Variants in MED12L observed in about 807,000 individuals in gnomAD.
MED12L encodes the protein mediator of RNA polymerase II transcription subunit 12-like protein.
A neutral mutation model predicts 281.3 loss-of-function variants in MED12L; 60 were observed. The ratio of observed to expected loss-of-function variants is 0.21; its 90% confidence interval spans 0.17 to 0.26. MED12L has a LOEUF of 0.26. Among genes scored for constraint, MED12L ranks in the 10% least tolerant of loss-of-function variants. The pLI is 1.00. For missense variants in MED12L, 2,146 were observed against 2,680.9 expected (o/e 0.80, Z 4.41); for synonymous variants, 974 against 987.2 (o/e 0.99, Z 0.25).
intron 16 of MED12L, among the ~76,000 whole-genome samples, chr3:151,235,265 T>C (rs929155263): frequency 1.3e-5 from 2 of 152,186 alleles, no homozygotes; most frequent in African/African-American, 2.4e-5. Flanking sequence ...GTGAAAGATT[T>C]CTGGACCTTT....
chr3:151,282,017 C>G (rs1577224283), intron 16 of MED12L, among the ~76,000 whole-genome samples: 1 of 152,164 alleles, frequency 6.6e-6, no homozygotes, highest in Non-Finnish European at 1.5e-5. Context: ...CGGAATTCAC[C>G]TATGCATAAT....
intron 16 of MED12L, among the ~76,000 whole-genome samples, chr3:151,279,584 G>A (rs1742483039): frequency 6.6e-6 from 1 of 152,188 alleles, no homozygotes; most frequent in South Asian, 2.1e-4. Flanking sequence ...GACCCCCAGC[G>A]GGCCCCAATA....
chr3:151,239,304 A>G (rs1027120618), intron 16 of MED12L, among the ~76,000 whole-genome samples: 1 of 152,250 alleles, frequency 6.6e-6, no homozygotes, highest in African/African-American at 2.4e-5. Flanking sequence ...TTTAGATCCA[A>G]TATTGCAATC....
intron 5 of MED12L, among the ~76,000 whole-genome samples, chr3:151,151,479 T>G (rs1718505974): frequency 3.3e-5 from 5 of 151,830 alleles, no homozygotes; most frequent in Admixed American, 3.3e-4. Flanking sequence ...AGCTTTTGAT[T>G]TACAGTGAGA....
intron 27 of MED12L, among the ~76,000 whole-genome samples, chr3:151,374,030 A>AT (rs747896652): frequency 7.2e-5 from 11 of 152,186 alleles, no homozygotes; most frequent in Non-Finnish European, 1.5e-4. Context: ...GATACCTTCA[A>AT]TTCCAATCCA....
chr3:151,425,445 G>C (rs573358410), intron 43 of MED12L: 135 of 286,648 alleles, frequency 4.7e-4, no homozygotes, highest in African/African-American at 2.7e-3. Context: ...TTGTCAGCCA[G>C]GCTGGGGTGC....
intron 5 of MED12L, among the ~76,000 whole-genome samples, chr3:151,145,294 A>G (rs548253042): frequency 1.2e-4 from 19 of 152,252 alleles, no homozygotes; most frequent in African/African-American, 4.1e-4. Flanking sequence ...TGCACTACCA[A>G]TATTGTTACT....
At chr3:151,364,225 G>A (rs980019756) in intron 21 of MED12L, among the ~76,000 whole-genome samples, 1 of 152,154 alleles carries the variant, frequency 6.6e-6, no homozygotes, top group Non-Finnish European at 1.5e-5. Flanking sequence ...CACAGAGCAG[G>A]TTTGGAGGAG....
chr3:151,117,504 C>T (rs1240930438), intron 3 of MED12L, among the ~76,000 whole-genome samples: 2 of 152,136 alleles, frequency 1.3e-5, no homozygotes, highest in Admixed American at 6.5e-5. Flanking sequence ...CAGGGTATTT[C>T]CCCTGCTTTT....
At chr3:151,227,881 T>C (rs1353759424) in intron 16 of MED12L, among the ~76,000 whole-genome samples, 1 of 152,186 alleles carries the variant, frequency 6.6e-6, no homozygotes, top group Non-Finnish European at 1.5e-5. Flanking sequence ...GTTGGGTGTT[T>C]AGCCGCATCC....
intron 16 of MED12L, among the ~76,000 whole-genome samples, chr3:151,244,153 C>T (rs1486506450): frequency 1.5e-5 from 2 of 130,562 alleles, no homozygotes; most frequent in East Asian, 4.7e-4. Flanking sequence ...CTTAGACTCC[C>T]ACACATTAAT....
intron 5 of MED12L, among the ~76,000 whole-genome samples, chr3:151,130,903 C>T (rs1267831037): frequency 2.0e-5 from 3 of 152,186 alleles, no homozygotes; most frequent in Non-Finnish European, 4.4e-5. Context: ...AACACAGGCT[C>T]CATGAAGGAC....
At chr3:151,143,052 T>C (rs1717274740) in intron 5 of MED12L, among the ~76,000 whole-genome samples, 1 of 152,206 alleles carries the variant, frequency 6.6e-6, no homozygotes, top group Non-Finnish European at 1.5e-5. Context: ...TAGCTTTAAT[T>C]AAATGAACAT....
chr3:151,301,149 G>T (rs1200973165), intron 16 of MED12L, among the ~76,000 whole-genome samples: 1 of 151,980 alleles, frequency 6.6e-6, no homozygotes, highest in Non-Finnish European at 1.5e-5. Flanking sequence ...CTCCTTTTTG[G>T]GTGCCAGCAT....
chr3:151,248,979 A>G (rs1048811652), intron 16 of MED12L: 11 of 152,338 alleles, frequency 7.2e-5, no homozygotes, highest in African/African-American at 1.2e-4. Context: ...CGTGTTGACC[A>G]GTGGGAAACA....
At chr3:151,409,069 A>G (rs1318865123) in intron 39 of MED12L, among the ~76,000 whole-genome samples, 174 bp from the exon 40 acceptor site, 2 of 152,264 alleles carry the variant, frequency 1.3e-5, no homozygotes, top group African/African-American at 4.8e-5. Context: ...AATAAGTTCA[A>G]CAGTCTAAAC....
intron 16 of MED12L, among the ~76,000 whole-genome samples, chr3:151,293,263 A>G (rs1361388838): frequency 3.3e-5 from 5 of 152,170 alleles, no homozygotes; most frequent in Admixed American, 2.6e-4. Flanking sequence ...GCAGTTTACA[A>G]GACTCTAAAT....
chr3:151,330,016 G>A (rs1750170089), intron 16 of MED12L, among the ~76,000 whole-genome samples: 1 of 152,122 alleles, frequency 6.6e-6, no homozygotes, highest in African/African-American at 2.4e-5. Flanking sequence ...TTAACATGAT[G>A]TTTTCTGAGA....
intron 2 of MED12L, among the ~76,000 whole-genome samples, chr3:151,095,756 C>T (rs985059084): frequency 5.3e-5 from 8 of 151,940 alleles, no homozygotes; most frequent in Non-Finnish European, 8.8e-5. Context: ...AAAGCCAGAT[C>T]CTAGCAAGGC....
Sources: gnomAD v4.1 joint callset for allele counts (sites outside exome capture counted in the v4.1 genomes callset) on GRCh38, gnomAD v4.1.1 for gene constraint, MANE v1.5 for transcripts, NCBI Gene and HGNC (gene_info 2026-07-23, HGNC 2026-07-21) for gene names.